NELL1: variants seen among roughly 807,000 people sequenced by gnomAD.
NELL1 encodes neural EGFL like 1, also known as protein kinase C-binding protein NELL1.
Under a neutral mutation model 107.4 loss-of-function variants are expected in NELL1, and 76 were observed. The observed-to-expected ratio is 0.71, with a 90% CI of 0.59 to 0.86. The LOEUF (loss-of-function observed/expected upper bound fraction) is 0.86. NELL1 is among the 40% of genes least tolerant of loss of function. NELL1 has a pLI of 0.00. For missense variants in NELL1, 1,024 were observed against 1,005.5 expected (o/e 1.02, Z -0.25); for synonymous variants, 353 against 341.2 (o/e 1.03, Z -0.38).
chr11:21,452,751 C>G (rs1450390994), intron 15 of NELL1, among the ~76,000 whole-genome samples: 2 of 151,812 alleles, frequency 1.3e-5, no homozygotes, highest in Admixed American at 6.6e-5. Flanking sequence ...AAGGTAGTAG[C>G]TTAGATCATT....
At chr11:21,346,267 G>T (rs571026591) in intron 14 of NELL1, among the ~76,000 whole-genome samples, 13 of 152,198 alleles carry the variant, frequency 8.5e-5, no homozygotes, top group African/African-American at 3.1e-4. Flanking sequence ...GATGGCCACT[G>T]CTGGGTCCAG....
At chr11:20,719,629 G>C (rs2072359254) in intron 2 of NELL1, among the ~76,000 whole-genome samples, 1 of 152,070 alleles carries the variant, frequency 6.6e-6, no homozygotes, top group South Asian at 2.1e-4. Context: ...TCACTTTCTT[G>C]GGGTCCTTCT....
intron 14 of NELL1, among the ~76,000 whole-genome samples, chr11:21,311,179 A>C (rs1232554502): frequency 6.6e-6 from 1 of 152,192 alleles, no homozygotes; most frequent in Admixed American, 6.6e-5. Flanking sequence ...TAAATGTTGC[A>C]TTGCAAAGCA....
At chr11:21,217,381 G>A (rs145082954) in intron 13 of NELL1, among the ~76,000 whole-genome samples, 1 of 152,070 alleles carries the variant, frequency 6.6e-6, no homozygotes, top group Non-Finnish European at 1.5e-5. Flanking sequence ...GAAGCTGAGT[G>A]AAAGGTACAT....
chr11:20,694,480 A>G (rs938577250), intron 2 of NELL1, among the ~76,000 whole-genome samples: 21 of 152,106 alleles, frequency 1.4e-4, no homozygotes, highest in African/African-American at 5.1e-4. Context: ...ATTCTTCTGT[A>G]TATGGCTGGT....
intron 16 of NELL1, among the ~76,000 whole-genome samples, chr11:21,553,620 G>A (rs867959531): frequency 6.6e-6 from 1 of 151,784 alleles, no homozygotes; most frequent in African/African-American, 2.4e-5. Context: ...GAAGCCTGGG[G>A]CCATCCAAAA....
intron 12 of NELL1, among the ~76,000 whole-genome samples, chr11:21,109,119 C>T (rs1007177665): frequency 2.0e-5 from 3 of 151,996 alleles, no homozygotes; most frequent in African/African-American, 4.8e-5. Flanking sequence ...GCCTCAGTTT[C>T]GTGGCATGGA....
chr11:20,736,055 G>A (rs1478569541), intron 2 of NELL1, among the ~76,000 whole-genome samples: 2 of 152,112 alleles, frequency 1.3e-5, no homozygotes, highest in African/African-American at 4.8e-5. Flanking sequence ...AGAGGATAAT[G>A]AATATGGATT....
At chr11:20,972,030 C>G (rs4922694) in intron 12 of NELL1, among the ~76,000 whole-genome samples, 210 of 109,364 alleles carry the variant, frequency 1.9e-3, no homozygotes, top group African/African-American at 2.8e-3. Context: ...TGCTGGGGAG[C>G]GGGGTGGGGG....
At chr11:21,510,553 T>C (rs1315891037) in intron 15 of NELL1, among the ~76,000 whole-genome samples, 9 of 152,204 alleles carry the variant, frequency 5.9e-5, no homozygotes, top group Admixed American at 5.9e-4. Context: ...CAAATGGTAA[T>C]GTCTTTGCTC....
At chr11:21,491,298 C>A (rs1319246687) in intron 15 of NELL1, among the ~76,000 whole-genome samples, 1 of 152,110 alleles carries the variant, frequency 6.6e-6, no homozygotes, top group Non-Finnish European at 1.5e-5. Context: ...ATGCTAATGC[C>A]TAGATTTTCT....
intron 12 of NELL1, among the ~76,000 whole-genome samples, chr11:21,073,732 A>G (rs1368788866): frequency 6.6e-6 from 1 of 152,190 alleles, no homozygotes. Context: ...AGTAAAATGA[A>G]AACATTAAAA....
intron 2 of NELL1, among the ~76,000 whole-genome samples, chr11:20,712,278 A>G (rs1482845708): frequency 6.6e-6 from 1 of 151,734 alleles, no homozygotes; most frequent in South Asian, 2.1e-4. Flanking sequence ...TATTTCTTTA[A>G]GTGTGTCTTT....
At chr11:20,783,593 C>T (rs771899983) in intron 2 of NELL1, 87 bp from the exon 3 acceptor site, 3 of 892,856 alleles carry the variant, frequency 3.4e-6, no homozygotes, top group South Asian at 2.1e-5. Flanking sequence ...CATCTCCCCT[C>T]TCCTCTTTCT....
intron 12 of NELL1, among the ~76,000 whole-genome samples, chr11:21,065,233 A>G (rs1340735799): frequency 6.6e-6 from 1 of 152,126 alleles, no homozygotes; most frequent in Non-Finnish European, 1.5e-5. Context: ...AGGGACCTTT[A>G]AAAGGATCTG....
intron 15 of NELL1, among the ~76,000 whole-genome samples, chr11:21,395,791 A>G (rs1851966514): frequency 6.6e-6 from 1 of 151,676 alleles, no homozygotes. Context: ...CCTCTCTGAA[A>G]AAAACTCCTC....
rs1049412396 is a variant in NELL1, at chr11:20,729,920, T to C, written c.184+51860T>C. ...GATAGATGGAATGACTGTGTTAGTC[T>C]GGGCCAAGGGAAAGGGAAAGCAGCT... On this transcript the variant is annotated intron_variant, in intron 2 of 19. Coordinates refer to ENST00000357134, the MANE Select transcript of NELL1 (RefSeq NM_006157.5). Among the ~76,000 whole-genome samples the C allele has an allele frequency of 3.9e-5, 6 of 152,318 alleles. No individual in the cohort carries two copies. The South Asian group carries it at 1.2e-3, about 32-fold the overall frequency.
At chr11:20,983,687 C>T (rs1260736915) in intron 12 of NELL1, among the ~76,000 whole-genome samples, 3 of 152,188 alleles carry the variant, frequency 2.0e-5, no homozygotes, top group Admixed American at 1.3e-4. Flanking sequence ...TTAGACCCAG[C>T]GTTTCATGTT....
intron 15 of NELL1, among the ~76,000 whole-genome samples, chr11:21,530,197 AG>A (rs1475340849): frequency 2.6e-5 from 4 of 152,192 alleles, no homozygotes; most frequent in African/African-American, 7.2e-5. Context: ...CTCTTAGGAA[AG>A]GTATAATCTA....
Sources: allele counts gnomAD v4.1 joint callset (sites outside exome capture counted in the v4.1 genomes callset), GRCh38; gene constraint gnomAD v4.1.1; transcripts MANE v1.5; gene names NCBI Gene and HGNC (gene_info 2026-07-23, HGNC 2026-07-21).